Variants in RIMS2 observed in about 807,000 individuals in gnomAD.
The protein encoded by RIMS2 is regulating synaptic membrane exocytosis 2, also known as regulating synaptic membrane exocytosis protein 2.
A neutral mutation model predicts 174.4 loss-of-function variants in RIMS2; 59 were observed. That is an observed-to-expected ratio of 0.34 (90% CI 0.27 to 0.42). The LOEUF (loss-of-function observed/expected upper bound fraction) is 0.42. Ranked by LOEUF, RIMS2 falls within the 10% of genes least tolerant of loss-of-function variation. RIMS2 has a pLI of 1.00. For missense variants in RIMS2, 1,620 were observed against 1,666.3 expected, an observed-to-expected ratio of 0.97 and a Z score of 0.48; for synonymous variants, 606 against 572.5, an observed-to-expected ratio of 1.06 and a Z score of -0.84.
In RIMS2 at chr8:103,510,362, CA is replaced by C. The variant is rs553961094; in HGVS notation, c.176+9301del. ...GCACATAGATGAAAATCTGTTTTATCACACATAAAACAGTCTTCAATCTGAA... is the reference window on the plus strand; with the variant it reads ...GCACATAGATGAAAATCTGTTTTATCCACATAAAACAGTCTTCAATCTGAA... On this transcript the variant is annotated intron_variant, in intron 1 of 23. Transcript: ENST00000504942. Among the ~76,000 whole-genome samples, 60 of 152,194 alleles carry C rather than the reference CA, an allele frequency of 3.9e-4. 1 individual carries two copies. The South Asian group carries it at 0.012, about 30-fold the overall frequency.
intron 1 of RIMS2, among the ~76,000 whole-genome samples, chr8:103,602,186 A>C (rs557321729): frequency 6.6e-6 from 1 of 152,140 alleles, no homozygotes; most frequent in South Asian, 2.1e-4. Flanking sequence ...ACGGGGTTTC[A>C]CCATGTTAGC....
chr8:103,571,670 T>G (rs2092817768), intron 1 of RIMS2, among the ~76,000 whole-genome samples: 1 of 152,178 alleles, frequency 6.6e-6, no homozygotes. Flanking sequence ...CTTTTTGTTG[T>G]GAGTAAAAAA....
At chr8:103,857,598 T>C (rs1178506375) in intron 3 of RIMS2, among the ~76,000 whole-genome samples, 1 of 147,300 alleles carries the variant, frequency 6.8e-6, no homozygotes, top group Non-Finnish European at 1.5e-5. Context: ...CTCAAAGTAG[T>C]TGTTGATCAT....
intron 19 of RIMS2, among the ~76,000 whole-genome samples, chr8:104,024,207 C>CA (rs1229389030): frequency 1.3e-5 from 2 of 152,162 alleles, no homozygotes; most frequent in Non-Finnish European, 2.9e-5. Flanking sequence ...TCTTCTGATC[C>CA]AGGTCTGCCA....
intron 19 of RIMS2, among the ~76,000 whole-genome samples, chr8:104,019,508 T>C (rs1025884560): frequency 2.0e-5 from 3 of 152,180 alleles, no homozygotes; most frequent in East Asian, 1.9e-4. Context: ...ATTCTCTCAA[T>C]GGAGTTTTTA....
At chr8:103,887,380 T>G (rs1471709421) in intron 4 of RIMS2, among the ~76,000 whole-genome samples, 2 of 151,624 alleles carry the variant, frequency 1.3e-5, no homozygotes, top group African/African-American at 4.8e-5. Flanking sequence ...ATTTGTTTAT[T>G]TGAAACTGTT....
chr8:103,893,547 G>A (rs1436370980), intron 4 of RIMS2, among the ~76,000 whole-genome samples: 1 of 151,974 alleles, frequency 6.6e-6, no homozygotes, highest in Non-Finnish European at 1.5e-5. Flanking sequence ...GATAAACTAT[G>A]GTTTGTGGGC....
intron 19 of RIMS2, among the ~76,000 whole-genome samples, chr8:104,187,477 A>G (rs956720863): frequency 6.6e-6 from 1 of 151,824 alleles, no homozygotes; most frequent in African/African-American, 2.4e-5. Context: ...GGTGAAACTG[A>G]CACATTTCAA....
intron 12 of RIMS2, among the ~76,000 whole-genome samples, chr8:103,935,856 A>G (rs2154535097): frequency 6.6e-6 from 1 of 152,312 alleles, no homozygotes; most frequent in South Asian, 2.1e-4. Context: ...ATATATTAGT[A>G]TAACAGTATG....
chr8:103,936,486 TA>T (rs1461730616), intron 12 of RIMS2, 64 bp from the exon 15 acceptor site: 1 of 1,100,590 alleles, frequency 9.1e-7, no homozygotes, highest in Non-Finnish European at 1.3e-6. Flanking sequence ...AATTTTAAAT[TA>T]AAAAATTTTA....
chr8:103,955,029 A>T (rs1476721947), intron 14 of RIMS2, among the ~76,000 whole-genome samples: 2 of 152,132 alleles, frequency 1.3e-5, no homozygotes, highest in East Asian at 3.9e-4. Flanking sequence ...GGGCACATAC[A>T]CCCTCCCAAG....
At chr8:103,700,270 G>A (rs747364142) in intron 2 of RIMS2, among the ~76,000 whole-genome samples, 2 of 151,916 alleles carry the variant, frequency 1.3e-5, no homozygotes, top group Non-Finnish European at 2.9e-5. Context: ...TAAACATTAG[G>A]ATTGTTATAT....
intron 1 of RIMS2, among the ~76,000 whole-genome samples, chr8:103,648,472 C>T (rs916604580): frequency 5.9e-5 from 9 of 152,084 alleles, no homozygotes; most frequent in African/African-American, 1.9e-4. Context: ...TGATTCAGAG[C>T]TGAGTTCAGG....
At chr8:103,812,442 A>G (rs1313883763) in intron 3 of RIMS2, among the ~76,000 whole-genome samples, 2 of 147,742 alleles carry the variant, frequency 1.4e-5, no homozygotes, top group Non-Finnish European at 3.0e-5. Flanking sequence ...ATCCCCGCAC[A>G]CTGTGCGATC....
intron 3 of RIMS2, among the ~76,000 whole-genome samples, chr8:103,809,339 G>C (rs1213487578): frequency 1.3e-5 from 2 of 151,120 alleles, no homozygotes; most frequent in African/African-American, 4.9e-5. Flanking sequence ...GTTATTACAA[G>C]TTTTCTTAAC....
chr8:103,872,847 G>T (rs2154513849), intron 3 of RIMS2, among the ~76,000 whole-genome samples: 1 of 152,288 alleles, frequency 6.6e-6, no homozygotes, highest in East Asian at 1.9e-4. Context: ...GTCAGACCAG[G>T]CACACTGCTG....
intron 14 of RIMS2, among the ~76,000 whole-genome samples, chr8:103,959,644 G>A (rs2089161715): frequency 6.6e-6 from 1 of 151,724 alleles, no homozygotes; most frequent in East Asian, 1.9e-4. Flanking sequence ...GGCTGGTCTC[G>A]AATGCCTAAG....
chr8:103,720,268 C>T (rs1223053140), intron 2 of RIMS2, among the ~76,000 whole-genome samples: 1 of 152,170 alleles, frequency 6.6e-6, no homozygotes, highest in Non-Finnish European at 1.5e-5. Context: ...GTGTATTCTT[C>T]TAGCTGCTCA....
At chr8:104,249,387 A>G (rs1478839578) in intron 21 of RIMS2, 100 bp from the exon 28 acceptor site, 3 of 579,810 alleles carry the variant, frequency 5.2e-6, no homozygotes, top group Admixed American at 3.2e-5. Context: ...AAGAAAATAT[A>G]TGGGAAATGA....
Sources: gnomAD v4.1 joint callset for allele counts (sites outside exome capture counted in the v4.1 genomes callset) on GRCh38, gnomAD v4.1.1 for gene constraint, MANE v1.5 for transcripts, NCBI Gene and HGNC (gene_info 2026-07-23, HGNC 2026-07-21) for gene names.